DDX39B: variants seen among roughly 807,000 people sequenced by gnomAD.
The protein encoded by DDX39B is spliceosome RNA helicase DDX39B.
In DDX39B, 6 loss-of-function variants were observed where a neutral mutation model predicts 46.4. The observed-to-expected ratio is 0.13, with a 90% CI of 0.07 to 0.26. The LOEUF is 0.26. Among genes scored for constraint, DDX39B ranks in the 10% least tolerant of loss-of-function variants. DDX39B has a pLI of 1.00. For synonymous variants in DDX39B, 174 were observed against 199.4 expected, an observed-to-expected ratio of 0.87 and a Z score of 1.07; for missense variants, 185 against 553.4, an observed-to-expected ratio of 0.33 and a Z score of 6.68.
At chr6:31,536,208 C>T (rs904766545) in intron 5 of DDX39B, among the ~76,000 whole-genome samples, 8 of 152,114 alleles carry the variant, frequency 5.3e-5, no homozygotes, top group Non-Finnish European at 1.0e-4. Flanking sequence ...GCTATGACTC[C>T]CAGTATATGA....
rs974760805 is a variant in DDX39B at position 31,534,351 on chromosome 6, C to A, written c.735+1016G>T. The A allele has an allele frequency of 1.9e-5, 7 of 359,218 alleles. No homozygotes were observed. Among genetic ancestry groups the A allele is most frequent in the Non-Finnish European group, 3.5e-5 (6 of 173,022 alleles). The allele number at this position is 359,218 out of a possible 1,614,324, so 22.3% of individuals were successfully genotyped here. A position where few individuals can be genotyped will look rare whatever the true frequency, so the allele number is the denominator to read the frequency against. On this transcript the variant is annotated intron_variant, in intron 6 of 10. Coordinates refer to ENST00000396172, the MANE Select transcript of DDX39B (RefSeq NM_004640.7). This position sits in a 1 kb window ranked among gnomAD's most constrained non-coding sequence, Gnocchi z 5.1. ...TGGCCTCCTTCAAATCTCATTCTAG[C>A]CCCAAATACAGCTAAAGAGTGATCA...
At chr6:31,539,544 A>G (rs1464881558) in intron 2 of DDX39B, among the ~76,000 whole-genome samples, 3 of 152,060 alleles carry the variant, frequency 2.0e-5, no homozygotes, top group African/African-American at 7.3e-5. Flanking sequence ...CCAACCGCTC[A>G]CCTTCAATGA....
Position 31,531,311 on chromosome 6 carries a change from A to T in DDX39B, c.962T>A (p.Met321Lys). 6.2e-7 allele frequency: 1 copy of T among 1,614,164 alleles called. No individual in the cohort carries two copies. The highest frequency in any genetic ancestry group is 8.5e-7 in the Non-Finnish European group (1 of 1,180,030). ...NFPAIAIHRG[M>K]PQEERLSRYQ... ...TTCAGCTCACCTCTCCTCCTGGGGC[A>T]TCCCACGGTGGATGGCAATGGCTGG... The change falls in exon 8 of 11, where the codon ATG becomes AAG. Residue 321 changes from methionine (M) to lysine (K), a missense_variant. By Grantham distance (95) the Met-to-Lys change is moderately conservative (BLOSUM62 -1). Transcript: ENST00000396172. This position sits in a 1 kb window ranked among gnomAD's most constrained non-coding sequence, Gnocchi z 5.8.
Position 31,530,815 on chromosome 6 carries a change from T to C in DDX39B, c.1234A>G (p.Ser412Gly). The C allele has an allele frequency of 6.2e-7, 1 of 1,613,410 alleles. No homozygotes were observed. Reference protein sequence around the residue: ...DVQDRFEVNISELPDEIDISS... With the variant: ...DVQDRFEVNIGELPDEIDISS... ...ATGTCTATCTCATCAGGCAGCTCAC[T>C]AATATTGACCTCAAAGCGATCCTGC... Residue 412 changes from serine (S) to glycine (G), a missense_variant, in exon 10 of 11, where the codon AGT (serine) becomes GGT (glycine). Ser to Gly is a moderately conservative substitution (Grantham distance 56, BLOSUM62 0). This residue lies in a region of DDX39B where 22 missense variants were observed against 52.3 expected (regional missense o/e 0.42). Coordinates refer to ENST00000396172, the MANE Select transcript of DDX39B (RefSeq NM_004640.7). The surrounding 1 kb of genome is among the most constrained non-coding windows in gnomAD (Gnocchi z 4.5).
intron 2 of DDX39B, 48 bp from the exon 3 acceptor site, chr6:31,539,322 T>A (rs760164023): frequency 2.1e-5 from 33 of 1,591,272 alleles, no homozygotes; most frequent in Non-Finnish European, 2.8e-5. Context: ...AGTCTCCAGA[T>A]AACTCTACCT....
Position 31,531,237 on chromosome 6 carries a change from TTC to T in DDX39B, c.978-42_978-41del. 1 of 1,614,068 alleles carries T rather than the reference TTC, an allele frequency of 6.2e-7. No individual in the cohort carries two copies. Among genetic ancestry groups the T allele is most frequent in the Non-Finnish European group, 8.5e-7 (1 of 1,179,910 alleles). On this transcript the variant is annotated intron_variant, in intron 8 of 10. Transcript: ENST00000396172. This position sits in a 1 kb window ranked among gnomAD's most constrained non-coding sequence, Gnocchi z 5.8. ...AAATTTAAAACATGTTGAGATTCCC[TTC>T]TCTCAACTGTCTTTTTCTCCCAAGG... is the stretch of plus-strand genomic sequence containing the variant.
Position 31,530,856 on chromosome 6 carries a change from T to G in DDX39B, c.1193A>C (p.Lys398Thr), listed in dbSNP as rs778633305. 6.2e-7 allele frequency: 1 copy of G among 1,614,044 alleles called. No homozygotes were observed. The highest frequency in any genetic ancestry group is 1.1e-5 in the South Asian group (1 of 91,076). The change falls in exon 10 of 11, where the codon AAG becomes ACG. Residue 398 changes from lysine (K) to threonine (T), a missense_variant. This residue lies in a region of DDX39B where 22 missense variants were observed against 52.3 expected (regional missense o/e 0.42). Transcript: ENST00000396172. This position sits in a 1 kb window ranked among gnomAD's most constrained non-coding sequence, Gnocchi z 4.5. ...GCGATCCTGCACATCATTGAGGATC[T>G]TGGCATCATTCTCATCGGACACAAA... ...ITFVSDENDAKILNDVQDRFE... is the reference protein window; with the variant it reads ...ITFVSDENDATILNDVQDRFE...
intron 2 of DDX39B, 29 bp from the exon 3 acceptor site, chr6:31,539,303 T>G (rs1449358961): frequency 6.2e-7 from 1 of 1,604,594 alleles, no homozygotes; most frequent in Non-Finnish European, 8.5e-7. Context: ...GGAAGATAAA[T>G]TAGACTTCAG....
intron 6 of DDX39B, chr6:31,533,219 T>G: frequency 3.4e-6 from 1 of 293,770 alleles, no homozygotes. Flanking sequence ...TTACCTCAAA[T>G]AGAGGTGGGA....
rs1253351387 is a variant in DDX39B at position 31,541,024 on chromosome 6, T to TA, written c.-132-361dup. On this transcript the variant is annotated intron_variant, in intron 1 of 10. Coordinates refer to ENST00000396172, the MANE Select transcript of DDX39B (RefSeq NM_004640.7). ...TAAAGTGGAAAATGGAGATGACAAG[T>TA]AGAGTCCTGAAAAGTCCTCAAAGGA... 1.6e-5 allele frequency: 8 copies of TA among 487,784 alleles called. No homozygotes were observed. In the East Asian group the frequency reaches 4.6e-4, roughly 28 times the overall value. The allele number at this position is 487,784 out of a possible 1,614,324, so 30.2% of individuals were successfully genotyped here. A position where few individuals can be genotyped will look rare whatever the true frequency, so the allele number is the denominator to read the frequency against.
At chr6:31,541,048 G>T (rs1353251171) in intron 1 of DDX39B, 2 of 519,878 alleles carry the variant, frequency 3.8e-6, no homozygotes, top group Non-Finnish European at 7.9e-6. Flanking sequence ...GTCCTCAAAG[G>T]AAGACTCCGC....
rs1006873302 is a variant in DDX39B at position 31,531,061 on chromosome 6, G to A, written c.1114C>T (p.Leu372=). 1 of 1,614,146 alleles carries A rather than the reference G, an allele frequency of 6.2e-7. No homozygotes were observed. Residue 372 remains leucine, a synonymous_variant, in exon 9 of 11, where the codon CTG becomes TTG. Coordinates refer to ENST00000396172, the MANE Select transcript of DDX39B (RefSeq NM_004640.7). This position sits in a 1 kb window ranked among gnomAD's most constrained non-coding sequence, Gnocchi z 5.8. ...CAGCCTGTGAGGTTTACCCGATGCA[G>A]GTAGGTGTCAGAATCCTCAGGCATG... ...YDMPEDSDTY[L]HRVARAGRFG... is the part of the protein sequence containing the mutation.
chr6:31,531,026 G>T lies in DDX39B; in HGVS notation c.1122+27C>A. On this transcript the variant is annotated intron_variant, in intron 9 of 10. Coordinates refer to ENST00000396172, the MANE Select transcript of DDX39B (RefSeq NM_004640.7). This position sits in a 1 kb window ranked among gnomAD's most constrained non-coding sequence, Gnocchi z 5.8. ...ACAGAAAACAAGGGAATGGGAGAGT[G>T]GGATTTTTTCAGCCTGTGAGGTTTA... 6 of 1,613,848 alleles carry T rather than the reference G, an allele frequency of 3.7e-6. No homozygotes were observed. The highest frequency in any genetic ancestry group is 5.1e-6 in the Non-Finnish European group (6 of 1,179,804).
intron 4 of DDX39B, among the ~76,000 whole-genome samples, chr6:31,538,270 C>A (rs559019094): frequency 6.6e-6 from 1 of 152,192 alleles, no homozygotes; most frequent in African/African-American, 2.4e-5. Flanking sequence ...ATTCCCCTGC[C>A]TCAGCCTCCC....
intron 5 of DDX39B, 146 bp downstream of exon 5, chr6:31,536,354 A>G: frequency 8.5e-7 from 1 of 1,180,426 alleles, no homozygotes; most frequent in Non-Finnish European, 1.3e-6. Flanking sequence ...AGCATAATAA[A>G]GACCAACCAG....
intron 2 of DDX39B, 133 bp from the exon 3 acceptor site, chr6:31,539,407 C>A (rs1768149916): frequency 2.3e-6 from 3 of 1,327,054 alleles, no homozygotes; most frequent in Non-Finnish European, 3.1e-6. Context: ...TGCCAACTTC[C>A]AGACCCATTT....
chr6:31,540,437 C>T lies in DDX39B; in HGVS notation c.96G>A (p.Lys32=). The T allele has an allele frequency of 2.5e-6, 4 of 1,614,208 alleles. No individual in the cohort carries two copies. In the African/African-American group the frequency reaches 5.3e-5, roughly 22 times the overall value. Residue 32 remains lysine, a synonymous_variant, in exon 2 of 11, where the codon AAG becomes AAA. Coordinates refer to ENST00000396172, the MANE Select transcript of DDX39B (RefSeq NM_004640.7). ...AGACATAGGAGCCCTTGACATCCTT[C>T]TTGGCAGGGGCCTCAGCCCCATCTC... ...AGGDGAEAPA[K]KDVKGSYVSI...
At chr6:31,540,266 T>C (rs1768257503) in intron 2 of DDX39B, 56 bp downstream of exon 2, 1 of 1,566,914 alleles carries the variant, frequency 6.4e-7, no homozygotes, top group Admixed American at 1.7e-5. Flanking sequence ...AAACACATCT[T>C]TGTATTGTAC....
chr6:31,538,864 G>A lies in DDX39B; in HGVS notation c.340-9C>T, dbSNP rs747626075. 3 of 1,612,352 alleles carry A rather than the reference G, an allele frequency of 1.9e-6. No homozygotes were observed. Among genetic ancestry groups the A allele is most frequent in the Non-Finnish European group, 2.5e-6 (3 of 1,178,448 alleles). On this transcript the variant is annotated splice_polypyrimidine_tract_variant and intron_variant, in intron 3 of 10. Coordinates refer to ENST00000396172, the MANE Select transcript of DDX39B (RefSeq NM_004640.7). ...ATCACCAGTACAGACACCTTAGGCA[G>A]GAAGTAGACGGAGACATATGGTAAA...
Sources: gnomAD v4.1 joint callset for allele counts (sites outside exome capture counted in the v4.1 genomes callset) on GRCh38, gnomAD v4.1.1 for gene constraint, gnomAD v4.1.1 regional missense constraint, Gnocchi (gnomAD v3.1) non-coding constraint, MANE v1.5 for transcripts, NCBI Gene and HGNC (gene_info 2026-07-23, HGNC 2026-07-21) for gene names.